The following HTR1E variants were observed in gnomAD, a reference collection of about 807,000 sequenced individuals.
HTR1E encodes 5-hydroxytryptamine receptor 1E.
Under a neutral mutation model 3.4 loss-of-function variants are expected in HTR1E, and 3 were observed. The ratio of observed to expected loss-of-function variants is 0.89; its 90% CI spans 0.41 to 2.31. The LOEUF (loss-of-function observed/expected upper bound fraction) is 2.31, where lower values mean the gene tolerates loss of function less well. HTR1E is among the 30% of genes most tolerant of loss of function. The pLI is 0.05. For synonymous variants in HTR1E, 170 were observed against 182.8 expected, an observed-to-expected ratio of 0.93 and a Z score of 0.56; for missense variants, 392 against 467.0, an observed-to-expected ratio of 0.84 and a Z score of 1.48.
Position 87,016,024 on chromosome 6 carries a change from G to C in HTR1E, c.690G>C (p.Gln230His). Residue 230 changes from glutamine to histidine, a missense_variant, in exon 2 of 2, where the codon CAG (glutamine) becomes CAC (histidine). Physicochemically the swap from Gln to His is conservative, Grantham distance 24. Transcript: ENST00000305344. ...RHLSNRSTDS[Q>H]NSFASCKLTQ... ...TAAGCAACAGAAGCACAGATAGCCA[G>C]AATTCTTTTGCAAGTTGTAAACTTA... The C allele has an allele frequency of 6.2e-7, 1 of 1,614,192 alleles. No individual in the cohort carries two copies.
At chr6:86,940,661 A>G (rs943744319) in intron 1 of HTR1E, among the ~76,000 whole-genome samples, 1 of 152,172 alleles carries the variant, frequency 6.6e-6, no homozygotes, top group African/African-American at 2.4e-5. Flanking sequence ...TTACACACAG[A>G]TCATTTTTTT....
chr6:86,955,691 A>G (rs1324448943), intron 1 of HTR1E, among the ~76,000 whole-genome samples: 2 of 152,160 alleles, frequency 1.3e-5, no homozygotes, highest in Non-Finnish European at 2.9e-5. Context: ...AACATTTTAC[A>G]TAACAGAATG....
chr6:86,963,895 C>A (rs1278083395), intron 1 of HTR1E, among the ~76,000 whole-genome samples: 1 of 152,168 alleles, frequency 6.6e-6, no homozygotes, highest in Non-Finnish European at 1.5e-5. Context: ...CAGGACTATA[C>A]TTATTAAGCA....
chr6:86,980,001 C>T (rs996802667), intron 1 of HTR1E, among the ~76,000 whole-genome samples: 1 of 152,142 alleles, frequency 6.6e-6, no homozygotes, highest in African/African-American at 2.4e-5. Flanking sequence ...ATAATCTGAC[C>T]GCCTGCCAAA....
intron 1 of HTR1E, among the ~76,000 whole-genome samples, chr6:86,991,183 A>G (rs1767865963): frequency 6.6e-6 from 1 of 152,204 alleles, no homozygotes; most frequent in South Asian, 2.1e-4. Context: ...ACAAGCAAAG[A>G]TTAGAAAGTC....
chr6:87,010,079 C>T (rs1768186672), intron 1 of HTR1E, among the ~76,000 whole-genome samples: 1 of 134,828 alleles, frequency 7.4e-6, no homozygotes, highest in South Asian at 2.5e-4. Context: ...CCACCTCCCT[C>T]CCGGACGGGG....
chr6:87,006,708 C>T (rs1036867063), intron 1 of HTR1E, among the ~76,000 whole-genome samples: 5 of 152,006 alleles, frequency 3.3e-5, no homozygotes, highest in Admixed American at 1.3e-4. Context: ...GTAAAGAAAA[C>T]GTGGTACATA....
At chr6:87,010,276 C>T in intron 1 of HTR1E, among the ~76,000 whole-genome samples, 1 of 118,548 alleles carries the variant, frequency 8.4e-6, no homozygotes, top group Non-Finnish European at 1.7e-5. Flanking sequence ...CAGAGGTGCC[C>T]CTCACCTCCC....
At chr6:86,967,699 C>T (rs1482214301) in intron 1 of HTR1E, among the ~76,000 whole-genome samples, 2 of 152,080 alleles carry the variant, frequency 1.3e-5, no homozygotes, top group Non-Finnish European at 2.9e-5. Flanking sequence ...GTCAAATTAA[C>T]AAAATTCAAG....
intron 1 of HTR1E, among the ~76,000 whole-genome samples, chr6:87,009,595 T>G (rs1452479865): frequency 6.9e-6 from 1 of 145,760 alleles, no homozygotes; most frequent in South Asian, 2.2e-4. Context: ...CCAGACGGGG[T>G]GGTGGCCGGG....
rs1377569080 is a variant in HTR1E, at chr6:87,006,952, G to GA, written c.-185-8191dup. ...GTGGAAGGAGGCAGGAAGAGCATTA[G>GA]AAAAAAATAGCTAATGCTTGCGGAG... On this transcript the variant is annotated intron_variant, in intron 1 of 1. Coordinates refer to ENST00000305344, the MANE Select transcript of HTR1E (RefSeq NM_000865.3). Among the ~76,000 whole-genome samples, 5 of 152,192 alleles carry GA rather than the reference G, an allele frequency of 3.3e-5. No homozygotes were observed. The Middle Eastern group carries it at 0.014, about 414-fold the overall frequency.
intron 1 of HTR1E, among the ~76,000 whole-genome samples, chr6:86,975,548 C>T (rs772733253): frequency 6.6e-6 from 1 of 152,054 alleles, no homozygotes; most frequent in Non-Finnish European, 1.5e-5. Context: ...CCTGTGATAT[C>T]CTTGTCACCC....
chr6:86,948,209 G>T (rs1767153507), intron 1 of HTR1E, among the ~76,000 whole-genome samples: 1 of 152,098 alleles, frequency 6.6e-6, no homozygotes, highest in Admixed American at 6.6e-5. Context: ...CAAAGGACAT[G>T]AACTCATTCT....
chr6:86,940,256 C>G (rs1278447382), intron 1 of HTR1E, among the ~76,000 whole-genome samples: 1 of 152,008 alleles, frequency 6.6e-6, no homozygotes, highest in Non-Finnish European at 1.5e-5. Context: ...TAGATCTCAG[C>G]CAGGCATGAT....
intron 1 of HTR1E, among the ~76,000 whole-genome samples, chr6:86,967,244 A>G (rs1326202518): frequency 2.0e-5 from 3 of 152,208 alleles, no homozygotes; most frequent in African/African-American, 7.2e-5. Context: ...CCTCTAGCCA[A>G]CCTATCACAA....
chr6:86,944,843 C>T (rs1175418874), intron 1 of HTR1E, among the ~76,000 whole-genome samples: 1 of 152,126 alleles, frequency 6.6e-6, no homozygotes, highest in Non-Finnish European at 1.5e-5. Flanking sequence ...CACAATGTAT[C>T]GCTCATGTGC....
At chr6:86,988,783 T>C (rs1427560603) in intron 1 of HTR1E, among the ~76,000 whole-genome samples, 1 of 152,118 alleles carries the variant, frequency 6.6e-6, no homozygotes, top group African/African-American at 2.4e-5. Flanking sequence ...TCTTCTCCTG[T>C]TTGGTGAAAA....
intron 1 of HTR1E, among the ~76,000 whole-genome samples, chr6:86,974,057 C>T (rs1767596241): frequency 1.3e-5 from 2 of 152,178 alleles, no homozygotes; most frequent in African/African-American, 4.8e-5. Flanking sequence ...TCCACAAAAC[C>T]CTTCTATACC....
rs62440825 is a variant in HTR1E at position 86,944,947 on chromosome 6, A to T, written c.-186+7124A>T. Reference sequence around the variant, plus strand: ...TATAGTATATAATACTTGATAATAAACAACTGTTACTGGTTTATACATTTA... The same window carrying T: ...TATAGTATATAATACTTGATAATAATCAACTGTTACTGGTTTATACATTTA... On this transcript the variant is annotated intron_variant, in intron 1 of 1. Transcript: ENST00000305344. Among the ~76,000 whole-genome samples the T allele has an allele frequency of 1.0e-3, 150 of 149,458 alleles. 1 individual carries two copies. The highest frequency in any genetic ancestry group is 3.6e-3 in the African/African-American group (146 of 40,420).
Sources: gnomAD v4.1 joint callset for allele counts (sites outside exome capture counted in the v4.1 genomes callset) on GRCh38, gnomAD v4.1.1 for gene constraint, MANE v1.5 for transcripts, NCBI Gene and HGNC (gene_info 2026-07-23, HGNC 2026-07-21) for gene names.